The following PEAR1 variants were observed in gnomAD, a reference collection of about 807,000 sequenced individuals.
PEAR1 encodes platelet endothelial aggregation receptor 1, also known as multiple EGF-like domains protein 12.
Under a neutral mutation model 131.2 loss-of-function variants are expected in PEAR1, and 113 were observed. The observed-to-expected ratio is 0.86, with a 90% CI of 0.74 to 1.01. The LOEUF (loss-of-function observed/expected upper bound fraction) is 1.01. Among genes scored for constraint, PEAR1 ranks in the 50% least tolerant of loss-of-function variants. PEAR1 has a pLI of 0.00. For synonymous variants in PEAR1, 565 were observed against 523.3 expected (o/e 1.08, Z -1.09); for missense variants, 1,408 against 1,391.1 (o/e 1.01, Z -0.19).
chr1:156,910,754 G>A lies in PEAR1; in HGVS notation c.1951+11G>A, dbSNP rs755117626. On this transcript the variant is annotated intron_variant, in intron 15 of 22. Coordinates refer to ENST00000292357, the MANE Select transcript of PEAR1 (RefSeq NM_001080471.3). ...CCGACTGCTCCCAGCGTATGTGGTA[G>A]CTTGTGTGTCTGAGCATACGTGCAT... 34 of 1,613,942 alleles carry A rather than the reference G, an allele frequency of 2.1e-5. No homozygotes were observed. The highest frequency in any genetic ancestry group is 2.8e-5 in the Non-Finnish European group (33 of 1,179,944).
chr1:156,909,880 G>T lies in PEAR1; in HGVS notation c.1541G>T (p.Gly514Val), dbSNP rs1404312516. 1.9e-6 allele frequency: 3 copies of T among 1,610,236 alleles called. No homozygotes were observed. The highest frequency in any genetic ancestry group is 1.7e-6 in the Non-Finnish European group (2 of 1,177,162). ...PQTGACTCTP[G>V]WHGAHCQLPC... Reference sequence around the variant, plus strand: ...ACTGGAGCCTGTACCTGCACCCCTGGGTGGCATGGGGCCCACTGCCAGCTG... The same window carrying T: ...ACTGGAGCCTGTACCTGCACCCCTGTGTGGCATGGGGCCCACTGCCAGCTG... The change falls in exon 12 of 23, where the codon GGG becomes GTG. Residue 514 changes from glycine to valine, a missense_variant. By Grantham distance (109) the Gly-to-Val change is moderately radical (BLOSUM62 -3). Transcript: ENST00000292357.
At position 156,914,006 on chromosome 1, in the gene PEAR1, G is replaced by T. The variant is rs1229089257; in HGVS notation, c.2868G>T (p.Arg956Ser). The T allele has an allele frequency of 1.2e-5, 19 of 1,612,710 alleles. 1 individual carries two copies. The South Asian group carries it at 2.1e-4, about 18-fold the overall frequency. The part of the protein sequence containing the change: ...MKGPPSGSPP[R>S]QPPQFWDSQR... ...GCCCTCCCTCAGGATCTCCCCCCAG[G>T]CAGCCTCCTCAGTTCTGGGACAGCC... Residue 956 changes from arginine to serine, a missense_variant, in exon 22 of 23, where the codon AGG becomes AGT. By Grantham distance (110) the Arg-to-Ser change is moderately radical. Transcript: ENST00000292357.
intron 20 of PEAR1, 27 bp downstream of exon 20, chr1:156,913,550 G>A (rs1292079296): frequency 6.2e-7 from 1 of 1,609,886 alleles, no homozygotes; most frequent in Non-Finnish European, 8.5e-7. Flanking sequence ...CAGGGTCTCT[G>A]GCGCGGGTGG....
At chr1:156,901,021 CT>C (rs1242027379) in intron 1 of PEAR1, among the ~76,000 whole-genome samples, 1 of 152,132 alleles carries the variant, frequency 6.6e-6, no homozygotes, top group Admixed American at 6.5e-5. Context: ...CTCTGGGCTC[CT>C]GGTCTGGCCT....
At chr1:156,906,200 G>A in intron 4 of PEAR1, 76 bp from the exon 5 acceptor site, 2 of 1,358,636 alleles carry the variant, frequency 1.5e-6, no homozygotes, top group Non-Finnish European at 2.1e-6. Context: ...GGAGGAAGGT[G>A]GGGTTAGGCT....
rs909292403 is a variant in PEAR1, at chr1:156,910,458, C to T, written c.1825+78C>T. The T allele has an allele frequency of 5.0e-5, 77 of 1,542,596 alleles. No homozygotes were observed. In the South Asian group the frequency reaches 8.8e-4, roughly 18 times the overall value. ...GTCAGCTGCCAGAGCACCCCTCCCC[C>T]CGCGCCCGCCGCCCACCTCTCCCAC... is the stretch of plus-strand genomic sequence containing the variant. On this transcript the variant is annotated intron_variant, in intron 14 of 22. Transcript: ENST00000292357.
rs376812574 is a variant in PEAR1 at position 156,913,371 on chromosome 1, C to T, written c.2512-20C>T. On this transcript the variant is annotated intron_variant, in intron 19 of 22. Transcript: ENST00000292357. ...CCTGTCCTTGCCTCTTGCTCTCCCT[C>T]CTGCACTGTCCCCTCTTAGGTTCCA... 107 of 1,612,444 alleles carry T rather than the reference C, an allele frequency of 6.6e-5. No homozygotes were observed. In the South Asian group the frequency reaches 9.0e-4, roughly 14 times the overall value.
chr1:156,911,586 G>A (rs1349052698), intron 15 of PEAR1, among the ~76,000 whole-genome samples: 1 of 149,918 alleles, frequency 6.7e-6, no homozygotes, highest in African/African-American at 2.5e-5. Flanking sequence ...GAGCCACTGC[G>A]CCCAGCCCTT....
At chr1:156,906,241 G>A in intron 4 of PEAR1, 35 bp from the exon 5 acceptor site, 1 of 1,598,580 alleles carries the variant, frequency 6.3e-7, no homozygotes, top group Non-Finnish European at 8.6e-7. Flanking sequence ...AGGGGCAGGG[G>A]TGGACACATC....
chr1:156,908,139 A>G lies in PEAR1; in HGVS notation c.914A>G (p.Glu305Gly). ...AGCTAGGTGCCCAGGTGCCGGGAGG[A>G]GTGCCCGGTGGGCCGCTTTGGGCAG... Reference protein sequence around the residue: ...PGYTGDRCREECPVGRFGQDC... With the variant: ...PGYTGDRCREGCPVGRFGQDC... Residue 305 changes from glutamate (E) to glycine (G), a missense_variant, in exon 9 of 23, where the codon GAG (glutamate) becomes GGG (glycine). By Grantham distance (98) the Glu-to-Gly change is moderately conservative. Coordinates refer to ENST00000292357, the MANE Select transcript of PEAR1 (RefSeq NM_001080471.3). The surrounding 1 kb of genome is among the most constrained non-coding windows in gnomAD (Gnocchi z 4.2). 1 of 1,598,014 alleles carries G rather than the reference A, an allele frequency of 6.3e-7. No homozygotes were observed. The highest frequency in any genetic ancestry group is 8.5e-7 in the Non-Finnish European group (1 of 1,173,016).
chr1:156,908,392 T>A lies in PEAR1; in HGVS notation c.1115+52T>A. The A allele has an allele frequency of 6.9e-7, 1 of 1,453,218 alleles. No homozygotes were observed. The highest frequency in any genetic ancestry group is 1.4e-5 in the African/African-American group (1 of 70,932). The allele number at this position is 1,453,218 out of a possible 1,614,324, so 90.0% of individuals were successfully genotyped here. On this transcript the variant is annotated intron_variant, in intron 9 of 22. Coordinates refer to ENST00000292357, the MANE Select transcript of PEAR1 (RefSeq NM_001080471.3). The surrounding 1 kb of genome is among the most constrained non-coding windows in gnomAD (Gnocchi z 4.2). ...GATCAGGAGGCCAATGGGGAGGTCT[T>A]CCTGGCCGAAGTCACCACAGAGCCA...
rs754162587 is a variant in PEAR1, at chr1:156,908,715, C to A, written c.1176C>A (p.Asn392Lys). The A allele has an allele frequency of 6.5e-7, 1 of 1,546,598 alleles. No homozygotes were observed. Among genetic ancestry groups the A allele is most frequent in the Non-Finnish European group, 8.7e-7 (1 of 1,150,078 alleles). The change falls in exon 10 of 23, where the codon AAC becomes AAA. Residue 392 changes from asparagine (N) to lysine (K), a missense_variant. By Grantham distance (94) the Asn-to-Lys change is moderately conservative. Coordinates refer to ENST00000292357, the MANE Select transcript of PEAR1 (RefSeq NM_001080471.3). This position sits in a 1 kb window ranked among gnomAD's most constrained non-coding sequence, Gnocchi z 4.2. Reference sequence around the variant, plus strand: ...CGGGCTGGGCGGGCCTCCACTGCAACGAGAGCTGCCCGCAGGACACGCATG... The same window carrying A: ...CGGGCTGGGCGGGCCTCCACTGCAAAGAGAGCTGCCCGCAGGACACGCATG... ...CLPGWAGLHCNESCPQDTHGP... is the reference protein window; with the variant it reads ...CLPGWAGLHCKESCPQDTHGP...
intron 1 of PEAR1, among the ~76,000 whole-genome samples, chr1:156,899,386 C>A (rs1195259886): frequency 6.6e-6 from 1 of 151,836 alleles, no homozygotes; most frequent in Non-Finnish European, 1.5e-5. Context: ...CCTTGTCAAC[C>A]GCATCTGGCT....
At position 156,910,215 on chromosome 1, in the gene PEAR1, C is replaced by A. The variant is rs375544409; in HGVS notation, c.1679-19C>A. ...TGAAGGGGGCCCAGCCAGGCACACCCGACTGCTGTCTCCCACAGGTGCCCG... is the reference window on the plus strand; with the variant it reads ...TGAAGGGGGCCCAGCCAGGCACACCAGACTGCTGTCTCCCACAGGTGCCCG... On this transcript the variant is annotated intron_variant, in intron 13 of 22. Transcript: ENST00000292357. 8 of 1,609,706 alleles carry A rather than the reference C, an allele frequency of 5.0e-6. No individual in the cohort carries two copies. The highest frequency in any genetic ancestry group is 2.2e-5 in the East Asian group (1 of 44,804).
intron 1 of PEAR1, among the ~76,000 whole-genome samples, chr1:156,896,404 A>G (rs1649164292): frequency 6.6e-6 from 1 of 152,196 alleles, no homozygotes; most frequent in Admixed American, 6.5e-5. Flanking sequence ...TGGCAGCCAG[A>G]CAGCCCTTGG....
At chr1:156,904,116 T>A in intron 2 of PEAR1, 89 bp downstream of exon 2, 1 of 1,019,698 alleles carries the variant, frequency 9.8e-7, no homozygotes, top group Non-Finnish European at 1.5e-6. Context: ...TTCTTGGTCC[T>A]TCCTTAATCT....
chr1:156,909,296 A>G (rs934114593), intron 11 of PEAR1, among the ~76,000 whole-genome samples: 4 of 152,236 alleles, frequency 2.6e-5, no homozygotes, highest in African/African-American at 9.6e-5. Flanking sequence ...CCTCACCCTC[A>G]GTCATACGGA....
In PEAR1 at chr1:156,910,004, AG is replaced by A. The variant is rs1177902349; in HGVS notation, c.1576-1del. On this transcript the variant is annotated splice_acceptor_variant, in intron 12 of 22. Transcript: ENST00000292357. LOFTEE classifies it high-confidence loss of function. ...CTACCTGCTCCCCACTCCTTCTCCA[AG>A]AAGGGGCAGTTTGGAGAAGGTTGTG... is the stretch of plus-strand genomic sequence containing the variant. 1.2e-6 allele frequency: 2 copies of A among 1,613,490 alleles called. No homozygotes were observed. Among genetic ancestry groups the A allele is most frequent in the South Asian group, 2.2e-5 (2 of 91,070 alleles).
At chr1:156,914,494 C>T (rs1037709094) in intron 22 of PEAR1, among the ~76,000 whole-genome samples, 153 bp from the exon 23 acceptor site, 14 of 152,182 alleles carry the variant, frequency 9.2e-5, no homozygotes, top group African/African-American at 3.4e-4. Context: ...AGCCGCACGG[C>T]CAGCTGATAG....
Sources: allele counts gnomAD v4.1 joint callset (sites outside exome capture counted in the v4.1 genomes callset), GRCh38; gene constraint gnomAD v4.1.1; non-coding constraint Gnocchi (gnomAD v3.1); transcripts MANE v1.5; gene names NCBI Gene and HGNC (gene_info 2026-07-23, HGNC 2026-07-21).